Variants in ACSM2B observed in about 807,000 individuals in gnomAD.
ACSM2B encodes the protein acyl-CoA synthetase medium chain family member 2B, also known as acyl-coenzyme A synthetase ACSM2B, mitochondrial.
A neutral mutation model predicts 78.6 loss-of-function variants in ACSM2B; 58 were observed. That is an observed-to-expected ratio of 0.74 (90% CI 0.60 to 0.92). The LOEUF (loss-of-function observed/expected upper bound fraction) is 0.92, where lower values mean the gene tolerates loss of function less well. Among genes scored for constraint, ACSM2B ranks in the 40% least tolerant of loss-of-function variants. The pLI is 0.00. For synonymous variants in ACSM2B, 257 were observed against 256.8 expected, an observed-to-expected ratio of 1.00 and a Z score of -0.01; for missense variants, 688 against 711.2, an observed-to-expected ratio of 0.97 and a Z score of 0.37.
At chr16:20,554,147 T>C (rs2015400014) in intron 4 of ACSM2B, 2 of 701,728 alleles carry the variant, frequency 2.9e-6, no homozygotes, top group South Asian at 3.0e-5. Flanking sequence ...CTTAAACTAC[T>C]TATTTAACTT....
intron 3 of ACSM2B, among the ~76,000 whole-genome samples, chr16:20,557,309 T>A (rs1432857143): frequency 6.6e-6 from 1 of 152,190 alleles, no homozygotes; most frequent in East Asian, 1.9e-4. Context: ...TCTATATCTG[T>A]GCTCTTCACT....
chr16:20,555,148 T>C, intron 4 of ACSM2B, 121 bp downstream of exon 4: 2 of 1,476,186 alleles, frequency 1.4e-6, no homozygotes, highest in Non-Finnish European at 1.8e-6. Flanking sequence ...TCTTCCCAGC[T>C]TCACTCTTCC....
chr16:20,562,195 A>G (rs1251436639), intron 2 of ACSM2B, among the ~76,000 whole-genome samples: 2 of 152,018 alleles, frequency 1.3e-5, no homozygotes, highest in Non-Finnish European at 2.9e-5. Flanking sequence ...AGAAAATGTT[A>G]TATTGCTTTC....
intron 2 of ACSM2B, among the ~76,000 whole-genome samples, chr16:20,560,410 A>C (rs1218203805): frequency 6.6e-6 from 1 of 151,952 alleles, no homozygotes; most frequent in Non-Finnish European, 1.5e-5. Flanking sequence ...CTGGTTGTTT[A>C]AAAGTGAGTG....
rs1441753253 is a variant in ACSM2B at position 20,560,949 on chromosome 16, G to A, written c.178-1502C>T. ...AGAACTTGGCTGCATTGTGTTCATAGCCTAGTGATCTGTGGAAGTTTTAAC... is the reference window on the plus strand; with the variant it reads ...AGAACTTGGCTGCATTGTGTTCATAACCTAGTGATCTGTGGAAGTTTTAAC... On this transcript the variant is annotated intron_variant, in intron 2 of 13. Transcript: ENST00000329697. Among the ~76,000 whole-genome samples the A allele has an allele frequency of 3.9e-5, 6 of 152,060 alleles. No individual in the cohort carries two copies. The East Asian group carries it at 1.2e-3, about 29-fold the overall frequency.
intron 1 of ACSM2B, among the ~76,000 whole-genome samples, chr16:20,570,587 G>A (rs1433546410): frequency 6.6e-6 from 1 of 151,766 alleles, no homozygotes; most frequent in Non-Finnish European, 1.5e-5. Context: ...GAATGATTTA[G>A]GGAGGATTCC....
intron 2 of ACSM2B, among the ~76,000 whole-genome samples, chr16:20,562,550 T>C (rs2015695215): frequency 6.6e-6 from 1 of 152,158 alleles, no homozygotes; most frequent in Admixed American, 6.6e-5. Flanking sequence ...AGGAATTTAG[T>C]TTATAATTTA....
chr16:20,548,020 CA>C, intron 8 of ACSM2B, 41 bp downstream of exon 8: 6 of 1,604,652 alleles, frequency 3.7e-6, no homozygotes, highest in Non-Finnish European at 5.1e-6. Flanking sequence ...TTTTGAAGCC[CA>C]AAAAGTGCAC....
intron 12 of ACSM2B, 47 bp from the exon 13 acceptor site, chr16:20,540,820 T>C (rs773507393): frequency 1.6e-5 from 25 of 1,593,814 alleles, no homozygotes; most frequent in Non-Finnish European, 1.8e-5. Context: ...GAGTGTGTAG[T>C]CATCTCCTGG....
chr16:20,548,221 C>G (rs764594793), intron 7 of ACSM2B, 36 bp from the exon 8 acceptor site: 2 of 1,613,470 alleles, frequency 1.2e-6, no homozygotes, highest in Non-Finnish European at 1.7e-6. Flanking sequence ...CCTCAGCCTC[C>G]CTGGAACCAA....
chr16:20,574,405 G>A (rs1477112357), intron 1 of ACSM2B: 1 of 151,992 alleles, frequency 6.6e-6, no homozygotes, highest in Non-Finnish European at 1.5e-5. Flanking sequence ...AGCTTATGAA[G>A]ATAACAGGAT....
At chr16:20,566,197 T>G (rs1181190056) in intron 1 of ACSM2B, among the ~76,000 whole-genome samples, 1 of 137,272 alleles carries the variant, frequency 7.3e-6, no homozygotes, top group Non-Finnish European at 1.6e-5. Context: ...CCTTTCTTCC[T>G]TCCAAGCTCA....
intron 1 of ACSM2B, among the ~76,000 whole-genome samples, chr16:20,568,029 A>G (rs1039198807): frequency 1.1e-4 from 16 of 143,548 alleles, no homozygotes; most frequent in African/African-American, 3.8e-4. Context: ...ATGTATTGCT[A>G]CACTCCTGTG....
At chr16:20,551,569 C>A (rs1458257795) in intron 6 of ACSM2B, among the ~76,000 whole-genome samples, 3 of 152,022 alleles carry the variant, frequency 2.0e-5, no homozygotes, top group Non-Finnish European at 4.4e-5. Flanking sequence ...GCCTCCAGAG[C>A]TATGAGAAGT....
At chr16:20,570,433 C>G (rs1285943859) in intron 1 of ACSM2B, among the ~76,000 whole-genome samples, 2 of 151,916 alleles carry the variant, frequency 1.3e-5, no homozygotes, top group Non-Finnish European at 2.9e-5. Flanking sequence ...GGTGGATTAT[C>G]TTTTTGATAT....
In ACSM2B at chr16:20,549,947, C is replaced by G. The variant is rs1318935003; in HGVS notation, c.895-1474G>C. The G allele has an allele frequency of 2.7e-5, 9 of 339,286 alleles. No homozygotes were observed. The East Asian group carries it at 4.4e-4, about 17-fold the overall frequency. The allele number at this position is 339,286 out of a possible 1,614,324, so 21.0% of individuals were successfully genotyped here. On this transcript the variant is annotated intron_variant, in intron 6 of 13. Coordinates refer to ENST00000329697, the MANE Select transcript of ACSM2B (RefSeq NM_001105069.2). ...GTGGAGACCCAAGTTCTTATTTGCACAGGAAGCTTTTAGGTACTGACACTA... is the reference window on the plus strand; with the variant it reads ...GTGGAGACCCAAGTTCTTATTTGCAGAGGAAGCTTTTAGGTACTGACACTA...
chr16:20,537,660 C>T (rs2014881877), intron 13 of ACSM2B, among the ~76,000 whole-genome samples: 4 of 152,226 alleles, frequency 2.6e-5, no homozygotes, highest in Admixed American at 2.6e-4. Flanking sequence ...ACCCCAGCTC[C>T]TCCTCTGCCA....
intron 4 of ACSM2B, among the ~76,000 whole-genome samples, chr16:20,554,812 C>T (rs1359667562): frequency 1.3e-5 from 2 of 152,248 alleles, no homozygotes; most frequent in Admixed American, 1.3e-4. Context: ...TGGGTTTCAA[C>T]CCACTTGGTG....
chr16:20,542,200 C>T (rs2015013004), intron 12 of ACSM2B: 1 of 146,820 alleles, frequency 6.8e-6, no homozygotes, highest in Non-Finnish European at 1.5e-5. Flanking sequence ...GAACTTATTG[C>T]TGCTAACTGT....
Sources: allele counts gnomAD v4.1 joint callset (sites outside exome capture counted in the v4.1 genomes callset), GRCh38; gene constraint gnomAD v4.1.1; transcripts MANE v1.5; gene names NCBI Gene and HGNC (gene_info 2026-07-23, HGNC 2026-07-21).